Variants in HAO1 observed in about 807,000 individuals in gnomAD.
The protein encoded by HAO1 is hydroxyacid oxidase 1.
A neutral mutation model predicts 39.7 loss-of-function variants in HAO1; 34 were observed. The ratio of observed to expected loss-of-function variants is 0.86; its 90% confidence interval spans 0.65 to 1.14. The LOEUF (loss-of-function observed/expected upper bound fraction) is 1.14, where lower values mean the gene tolerates loss of function less well. Among genes scored for constraint, HAO1 ranks in the 50% most tolerant of loss-of-function variants. The pLI is 0.00. For synonymous variants in HAO1, 172 were observed against 173.2 expected (o/e 0.99, Z 0.05); for missense variants, 479 against 464.5 (o/e 1.03, Z -0.29).
At chr20:7,917,558 T>C (rs2122781013) in intron 2 of HAO1, among the ~76,000 whole-genome samples, 1 of 152,244 alleles carries the variant, frequency 6.6e-6, no homozygotes, top group South Asian at 2.1e-4. Context: ...AGGTTTGCCA[T>C]GTGCATGAGA....
At chr20:7,888,087 A>G (rs1310189862) in intron 5 of HAO1, among the ~76,000 whole-genome samples, 2 of 152,270 alleles carry the variant, frequency 1.3e-5, no homozygotes, top group South Asian at 4.1e-4. Flanking sequence ...TCTTCGGGCA[A>G]GTAATTGTGG....
At chr20:7,893,902 G>T (rs1439121395) in intron 5 of HAO1, among the ~76,000 whole-genome samples, 1 of 152,158 alleles carries the variant, frequency 6.6e-6, no homozygotes, top group Non-Finnish European at 1.5e-5. Context: ...AGAAACGGTT[G>T]GGCAGTTACA....
intron 4 of HAO1, among the ~76,000 whole-genome samples, chr20:7,903,782 GAGTGGTGATGGTGATAGC>G (rs1480534415): frequency 6.7e-6 from 1 of 148,236 alleles, no homozygotes; most frequent in East Asian, 2.0e-4. Flanking sequence ...ATGGTGATGG[GAGTGGTGATGGTGATAGC>G]AGTGGTGGTG....
intron 5 of HAO1, among the ~76,000 whole-genome samples, chr20:7,890,781 AG>A (rs994064430): frequency 1.3e-5 from 2 of 152,046 alleles, no homozygotes; most frequent in Non-Finnish European, 2.9e-5. Flanking sequence ...CCCACATATC[AG>A]TGAGAACATA....
intron 5 of HAO1, among the ~76,000 whole-genome samples, chr20:7,893,543 TG>T (rs1327889644): frequency 2.4e-4 from 37 of 152,278 alleles, no homozygotes; most frequent in African/African-American, 8.7e-4. Flanking sequence ...CGAAAAGCAA[TG>T]CTTGAGATGT....
intron 3 of HAO1, among the ~76,000 whole-genome samples, chr20:7,911,533 T>A (rs1281489661): frequency 2.6e-5 from 4 of 152,158 alleles, no homozygotes; most frequent in Non-Finnish European, 4.4e-5. Flanking sequence ...ATTCCTTGCT[T>A]CTTCCAAGAG....
intron 4 of HAO1, among the ~76,000 whole-genome samples, chr20:7,897,608 G>C (rs932481226): frequency 2.0e-5 from 3 of 151,900 alleles, no homozygotes; most frequent in Non-Finnish European, 4.4e-5. Flanking sequence ...AAAAAAATCA[G>C]AAGTCATTTT....
At chr20:7,914,901 C>T (rs2122777930) in intron 2 of HAO1, among the ~76,000 whole-genome samples, 1 of 152,178 alleles carries the variant, frequency 6.6e-6, no homozygotes, top group African/African-American at 2.4e-5. Context: ...GGTGGATCAC[C>T]TGAGGTCAGG....
chr20:7,934,628 G>C lies in HAO1; in HGVS notation c.145C>G (p.Leu49Val). The change falls in exon 2 of 8, where the codon CTG (leucine) becomes GTG (valine). Residue 49 changes from leucine (L) to valine (V), a missense_variant. Leu to Val is a conservative substitution (Grantham distance 32, BLOSUM62 1). Transcript: ENST00000378789. ...DNIAAFSRWKLYPRMLRNVAE... is the reference protein window; with the variant it reads ...DNIAAFSRWKVYPRMLRNVAE... ...ACATTCCGGAGCATCCTTGGATACA[G>C]CTTCCATCTAGAATTAAAAAATAAA... 1 of 1,591,244 alleles carries C rather than the reference G, an allele frequency of 6.3e-7. No homozygotes were observed. The highest frequency in any genetic ancestry group is 8.6e-7 in the Non-Finnish European group (1 of 1,168,094).
rs1399784373 is a variant in HAO1 at position 7,934,499 on chromosome 20, G to T, written c.274C>A (p.Leu92Ile). The change falls in exon 2 of 8, where the codon CTT becomes ATT. Residue 92 changes from leucine (L) to isoleucine (I), a missense_variant. Coordinates refer to ENST00000378789, the MANE Select transcript of HAO1 (RefSeq NM_017545.3). ...TTCCTCCTACCTCTCACAGTGGCAA[G>T]CTCGCCGTCCACATGAGCCATGCGC... ...MQRMAHVDGE[L>I]ATVRACQSLG... The T allele has an allele frequency of 6.2e-7, 1 of 1,610,080 alleles. No individual in the cohort carries two copies. The highest frequency in any genetic ancestry group is 2.2e-5 in the East Asian group (1 of 44,746).
chr20:7,936,502 C>CGGTGTGTGTGTGTG (rs2050410783), intron 1 of HAO1, among the ~76,000 whole-genome samples: 1 of 20,692 alleles, frequency 4.8e-5, no homozygotes, highest in Non-Finnish European at 1.1e-4. Context: ...AGGGCAGCAG[C>CGGTGTGTGTGTGTG]CGTGTGTGTG....
chr20:7,907,217 A>G (rs573983970), intron 3 of HAO1, among the ~76,000 whole-genome samples: 1 of 152,258 alleles, frequency 6.6e-6, no homozygotes, highest in South Asian at 2.1e-4. Context: ...CTAATCTTCC[A>G]GACAAGTTTG....
chr20:7,900,465 C>A (rs1470168636), intron 4 of HAO1, among the ~76,000 whole-genome samples: 1 of 152,132 alleles, frequency 6.6e-6, no homozygotes, highest in Non-Finnish European at 1.5e-5. Flanking sequence ...CAATTGGTAT[C>A]CCTGTGTCAC....
chr20:7,902,296 T>G (rs1265238871), intron 4 of HAO1, among the ~76,000 whole-genome samples: 2 of 152,158 alleles, frequency 1.3e-5, no homozygotes, highest in African/African-American at 4.8e-5. Flanking sequence ...CAAACTTCAT[T>G]GTCTTATTTT....
intron 2 of HAO1, among the ~76,000 whole-genome samples, chr20:7,932,329 T>C (rs1331160784): frequency 6.6e-6 from 1 of 152,170 alleles, no homozygotes; most frequent in Non-Finnish European, 1.5e-5. Context: ...GTGGTAAAAA[T>C]AATTTGCTGG....
chr20:7,899,623 G>A (rs569414787), intron 4 of HAO1, among the ~76,000 whole-genome samples: 1 of 152,200 alleles, frequency 6.6e-6, no homozygotes, highest in South Asian at 2.1e-4. Context: ...TTTGCTCAGA[G>A]GATAGGATTG....
At chr20:7,904,921 G>C (rs1192255869) in intron 4 of HAO1, among the ~76,000 whole-genome samples, 4 of 152,202 alleles carry the variant, frequency 2.6e-5, no homozygotes, top group Non-Finnish European at 4.4e-5. Flanking sequence ...AGTAAAGGAA[G>C]TGAAACCATT....
chr20:7,930,952 A>G (rs8119185), intron 2 of HAO1, among the ~76,000 whole-genome samples: 1,992 of 152,312 alleles, frequency 0.013, 39 homozygotes, highest in African/African-American at 0.043. Context: ...GTCCCACAAC[A>G]TAAACACACC....
At chr20:7,920,805 G>A (rs2050327709) in intron 2 of HAO1, among the ~76,000 whole-genome samples, 1 of 152,062 alleles carries the variant, frequency 6.6e-6, no homozygotes, top group Non-Finnish European at 1.5e-5. Flanking sequence ...GGCATATCAT[G>A]ACTATTATGA....
Sources: gnomAD v4.1 joint callset for allele counts (sites outside exome capture counted in the v4.1 genomes callset) on GRCh38, gnomAD v4.1.1 for gene constraint, MANE v1.5 for transcripts, NCBI Gene and HGNC (gene_info 2026-07-23, HGNC 2026-07-21) for gene names.